Variants in ESR1 observed in about 807,000 individuals in gnomAD.
ESR1 encodes the protein estrogen receptor 1, also known as estrogen receptor.
Under a neutral mutation model 52.7 loss-of-function variants are expected in ESR1, and 12 were observed. The ratio of observed to expected loss-of-function variants is 0.23; its 90% CI spans 0.15 to 0.37. ESR1 has a LOEUF of 0.37. Ranked by LOEUF, ESR1 falls within the 10% of genes least tolerant of loss-of-function variation. The probability of loss-of-function intolerance (pLI) is 1.00; values close to 1 mark genes in which losing one functional copy is unlikely to be tolerated. For missense variants in ESR1, 584 were observed against 779.7 expected (o/e 0.75, Z 2.99); for synonymous variants, 305 against 316.8 (o/e 0.96, Z 0.39).
At chr6:151,688,312 C>T (rs184254475), upstream of ESR1, among the ~76,000 whole-genome samples, 1 of 152,220 alleles carries the variant, frequency 6.6e-6, no homozygotes, top group Non-Finnish European at 1.5e-5. Context: ...ATAGTGTGTC[C>T]TTGTGTGTAA....
At chr6:151,973,555 G>T (rs2039126172) in intron 4 of ESR1, among the ~76,000 whole-genome samples, 2 of 152,154 alleles carry the variant, frequency 1.3e-5, no homozygotes, top group East Asian at 3.9e-4. Flanking sequence ...ATTAAGTGAT[G>T]TTTTTTCCTG....
intron 2 of ESR1, among the ~76,000 whole-genome samples, chr6:151,845,754 A>G (rs749150573): frequency 1.3e-5 from 2 of 152,190 alleles, no homozygotes; most frequent in Non-Finnish European, 2.9e-5. Context: ...AATGGGATAA[A>G]TATTGAGTCC....
At chr6:152,064,328 A>G (rs1036370204) in intron 6 of ESR1, among the ~76,000 whole-genome samples, 11 of 152,034 alleles carry the variant, frequency 7.2e-5, no homozygotes, top group African/African-American at 1.2e-4. Context: ...CATGGTGGAG[A>G]CTCTGGGCCT....
chr6:151,824,052 C>T (rs1393488214), intron 1 of ESR1, among the ~76,000 whole-genome samples: 6 of 152,154 alleles, frequency 3.9e-5, no homozygotes, highest in African/African-American at 7.2e-5. Context: ...GCCACACTGA[C>T]TTCCACAATG....
Position 151,808,163 on chromosome 6 carries a change from C to T in ESR1, c.251C>T (p.Ser84Phe), listed in dbSNP as rs1778177422. 6.3e-7 allele frequency: 1 copy of T among 1,592,420 alleles called. No homozygotes were observed. The highest frequency in any genetic ancestry group is 8.5e-7 in the Non-Finnish European group (1 of 1,169,876). Reference protein sequence around the residue: ...GQTGLPYGPGSEAAAFGSNGL... With the variant: ...GQTGLPYGPGFEAAAFGSNGL... ...ACCGGCCTCCCCTACGGCCCCGGGTCTGAGGCTGCGGCGTTCGGCTCCAAC... is the reference window on the plus strand; with the variant it reads ...ACCGGCCTCCCCTACGGCCCCGGGTTTGAGGCTGCGGCGTTCGGCTCCAAC... Residue 84 changes from serine (S) to phenylalanine (F), a missense_variant, in exon 1 of 8, where the codon TCT becomes TTT. By Grantham distance (155) the Ser-to-Phe change is radical (BLOSUM62 -2). Around this residue, in one of 6 missense-constraint regions of ESR1, gnomAD observed 251 missense variants for 246.1 expected, o/e 1.02. Coordinates refer to ENST00000206249, the MANE Select transcript of ESR1 (RefSeq NM_000125.4).
chr6:151,964,859 G>A (rs1278358216), intron 4 of ESR1, among the ~76,000 whole-genome samples: 1 of 152,054 alleles, frequency 6.6e-6, no homozygotes, highest in Admixed American at 6.6e-5. Flanking sequence ...AGCCAGGATG[G>A]TCTCGATCTC....
intron 2 of ESR1, among the ~76,000 whole-genome samples, chr6:151,797,542 T>A (rs1016023903): frequency 3.3e-5 from 5 of 152,230 alleles, no homozygotes; most frequent in Non-Finnish European, 1.5e-5. Context: ...CTCTCCTCAT[T>A]TTTCCTTTGG....
At position 152,032,325 on chromosome 6, in the gene ESR1, C is replaced by T. The variant is rs184717808; in HGVS notation, c.1235+20531C>T. 6.3e-3 allele frequency among the ~76,000 whole-genome samples: 964 copies of T among 152,210 alleles called. 6 individuals carry two copies. Among genetic ancestry groups the T allele is most frequent in the Non-Finnish European group, 0.011 (776 of 68,012 alleles). On this transcript the variant is annotated intron_variant, in intron 5 of 7. Coordinates refer to ENST00000206249, the MANE Select transcript of ESR1 (RefSeq NM_000125.4). ...GCAGGAGAAGGAAATAAAGGGTATTCAATTAGGAAAAGAGGAAGTCAAATT... is the reference window on the plus strand; with the variant it reads ...GCAGGAGAAGGAAATAAAGGGTATTTAATTAGGAAAAGAGGAAGTCAAATT...
chr6:151,759,094 G>C (rs144603408), intron 2 of ESR1, among the ~76,000 whole-genome samples: 1 of 151,564 alleles, frequency 6.6e-6, no homozygotes, highest in African/African-American at 2.4e-5. Context: ...GGCCAACATG[G>C]TGACACTCTG....
intron 1 of ESR1, among the ~76,000 whole-genome samples, chr6:151,674,351 G>T (rs1778180793): frequency 6.6e-6 from 1 of 152,136 alleles, no homozygotes; most frequent in Non-Finnish European, 1.5e-5. Context: ...TCCCTGCAAA[G>T]GACAGGAACT....
chr6:151,727,919 T>C (rs1390759231), intron 2 of ESR1, among the ~76,000 whole-genome samples: 3 of 152,222 alleles, frequency 2.0e-5, no homozygotes, highest in Non-Finnish European at 4.4e-5. Context: ...TTTGGAACTG[T>C]GAGTCAGTTA....
intron 2 of ESR1, among the ~76,000 whole-genome samples, chr6:151,792,352 A>T (rs1300890136): frequency 2.0e-5 from 3 of 152,232 alleles, no homozygotes; most frequent in African/African-American, 7.2e-5. Flanking sequence ...CTGTGCACTT[A>T]GGATACACTA....
chr6:151,699,445 T>C (rs886437019), intron 1 of ESR1, among the ~76,000 whole-genome samples: 4 of 152,186 alleles, frequency 2.6e-5, no homozygotes, highest in African/African-American at 9.7e-5. Context: ...ATTTTATTTA[T>C]CAAAACTATT....
chr6:151,924,169 A>G (rs959866342), intron 3 of ESR1, among the ~76,000 whole-genome samples: 1 of 152,084 alleles, frequency 6.6e-6, no homozygotes, highest in African/African-American at 2.4e-5. Context: ...CAAGCTCCCA[A>G]GTACCTGGGA....
At chr6:151,982,105 T>A (rs2040045042) in intron 4 of ESR1, among the ~76,000 whole-genome samples, 1 of 152,238 alleles carries the variant, frequency 6.6e-6, no homozygotes, top group Admixed American at 6.5e-5. Context: ...ATTGGCTGCC[T>A]ACTGTGTGCC....
rs9341060 is a variant in ESR1, at chr6:152,097,102, G to A, written c.1554-1630G>A. ...GCTCTGTAGAGTTTCTGTTGGAATC[G>A]TGTGAAAAGCTGGAGAGGTTGCTTC... is the stretch of plus-strand genomic sequence containing the variant. On this transcript the variant is annotated intron_variant, in intron 7 of 7. Transcript: ENST00000206249. Among the ~76,000 whole-genome samples the A allele has an allele frequency of 1.8e-4, 28 of 152,178 alleles. No homozygotes were observed. The East Asian group carries it at 4.6e-3, about 25-fold the overall frequency.
Position 151,816,986 on chromosome 6 carries a change from G to A in ESR1, c.452+8622G>A, listed in dbSNP as rs375689376. ...TGTGGACTGAAGCAATCCCAGAGAG[G>A]GAATTAATTGAAGCTGAGGTAAGCA... On this transcript the variant is annotated intron_variant, in intron 1 of 7. Transcript: ENST00000206249. Among the ~76,000 whole-genome samples the A allele has an allele frequency of 3.3e-5, 5 of 152,140 alleles. No individual in the cohort carries two copies. The East Asian group carries it at 9.6e-4, about 29-fold the overall frequency.
At chr6:151,827,024 G>A (rs938061749) in intron 1 of ESR1, among the ~76,000 whole-genome samples, 3 of 152,042 alleles carry the variant, frequency 2.0e-5, no homozygotes, top group Admixed American at 1.3e-4. Context: ...TGGCTGGCAC[G>A]GAGTAAGAAG....
chr6:151,783,336 G>C lies in ESR1; in HGVS notation c.-70-24507G>C, dbSNP rs138792336. ...TGGCTATTTTGCTAGCTGGAGAAGGGCACGCAATTTGTTGTCAGGAGACAG... is the reference window on the plus strand; with the variant it reads ...TGGCTATTTTGCTAGCTGGAGAAGGCCACGCAATTTGTTGTCAGGAGACAG... On this transcript the variant is annotated intron_variant, in intron 2 of 2. Transcript: ENST00000404742. Among the ~76,000 whole-genome samples the C allele has an allele frequency of 5.5e-3, 845 of 152,284 alleles. 28 individuals carry two copies. The highest frequency in any genetic ancestry group is 1.6e-3 in the Non-Finnish European group (107 of 68,012).
Sources: gnomAD v4.1 joint callset for allele counts (sites outside exome capture counted in the v4.1 genomes callset) on GRCh38, gnomAD v4.1.1 for gene constraint, gnomAD v4.1.1 regional missense constraint, MANE v1.5 for transcripts, NCBI Gene and HGNC (gene_info 2026-07-23, HGNC 2026-07-21) for gene names.